The following BTBD1 variants were observed in gnomAD, a reference collection of about 807,000 sequenced individuals.
BTBD1 encodes BTB/POZ domain-containing protein 1.
BTBD1 carries 34 observed loss-of-function variants against 48.0 expected under a neutral mutation model. That is an observed-to-expected ratio of 0.71 (90% CI 0.54 to 0.94). The LOEUF is 0.94. Ranked by LOEUF, BTBD1 falls within the 40% of genes least tolerant of loss-of-function variation. BTBD1 has a pLI of 0.00. For missense variants in BTBD1, 543 were observed against 625.6 expected, an observed-to-expected ratio of 0.87 and a Z score of 1.41; for synonymous variants, 261 against 242.1, an observed-to-expected ratio of 1.08 and a Z score of -0.72.
chr15:83,032,536 A>C (rs2032537445), intron 4 of BTBD1, among the ~76,000 whole-genome samples: 2 of 152,232 alleles, frequency 1.3e-5, no homozygotes, highest in Admixed American at 6.5e-5. Context: ...ACCATGGAAT[A>C]CTACTCAGCC....
At chr15:83,052,058 G>C (rs1220280465) in intron 2 of BTBD1, among the ~76,000 whole-genome samples, 2 of 151,994 alleles carry the variant, frequency 1.3e-5, no homozygotes, top group Non-Finnish European at 2.9e-5. Context: ...CCAGGTTCAA[G>C]GGATTCACCT....
chr15:83,062,395 A>G (rs1049754192), intron 1 of BTBD1, among the ~76,000 whole-genome samples: 10 of 152,230 alleles, frequency 6.6e-5, no homozygotes, highest in East Asian at 1.9e-4. Context: ...CGAAACTACA[A>G]TTTGGAGCTA....
chr15:83,061,759 T>G (rs1185346545), intron 1 of BTBD1: 1 of 152,238 alleles, frequency 6.6e-6, no homozygotes, highest in Non-Finnish European at 1.5e-5. Flanking sequence ...ACCTGCTATC[T>G]GACTACAGCT....
chr15:83,033,876 T>C (rs955665019), intron 4 of BTBD1, among the ~76,000 whole-genome samples: 1 of 151,956 alleles, frequency 6.6e-6, no homozygotes, highest in African/African-American at 2.4e-5. Flanking sequence ...CTGTGCCCCA[T>C]CTAAAAAATT....
At chr15:83,040,717 A>C (rs1340805198) in intron 4 of BTBD1, among the ~76,000 whole-genome samples, 1 of 151,812 alleles carries the variant, frequency 6.6e-6, no homozygotes, top group Non-Finnish European at 1.5e-5. Flanking sequence ...AAAAAAAAAA[A>C]AAAACCATGA....
intron 4 of BTBD1, among the ~76,000 whole-genome samples, chr15:83,038,030 G>A (rs142374101): frequency 6.6e-6 from 1 of 152,316 alleles, no homozygotes; most frequent in African/African-American, 2.4e-5. Context: ...GTTGCAGTGA[G>A]CTGAGCTCGT....
intron 6 of BTBD1, among the ~76,000 whole-genome samples, chr15:83,019,486 C>T (rs1156537573): frequency 6.6e-6 from 1 of 151,970 alleles, no homozygotes; most frequent in Non-Finnish European, 1.5e-5. Flanking sequence ...CCACTGCGCC[C>T]AGACTGTTTC....
chr15:83,032,742 G>A (rs1400075357), intron 4 of BTBD1, among the ~76,000 whole-genome samples: 2 of 152,084 alleles, frequency 1.3e-5, no homozygotes, highest in Admixed American at 1.3e-4. Context: ...AATGGTAGGA[G>A]GGAGGTGAGC....
At chr15:83,026,199 T>G (rs192861565) in intron 5 of BTBD1, among the ~76,000 whole-genome samples, 1 of 152,214 alleles carries the variant, frequency 6.6e-6, no homozygotes, top group Non-Finnish European at 1.5e-5. Flanking sequence ...TTTTTAAATA[T>G]ACTTTTTATA....
At chr15:83,063,108 T>C (rs9672992) in intron 1 of BTBD1, among the ~76,000 whole-genome samples, 2,920 of 152,318 alleles carry the variant, frequency 0.019, 35 homozygotes, top group Non-Finnish European at 0.031. Context: ...ATGTTTTGAC[T>C]TGACTTTCAG....
At chr15:83,060,611 T>A (rs2033161290) in intron 1 of BTBD1, among the ~76,000 whole-genome samples, 1 of 151,984 alleles carries the variant, frequency 6.6e-6, no homozygotes, top group African/African-American at 2.4e-5. Flanking sequence ...CTGGCCAATA[T>A]GGTAAAACCC....
At chr15:83,059,413 CG>C (rs1229170912) in intron 1 of BTBD1, among the ~76,000 whole-genome samples, 3 of 152,086 alleles carry the variant, frequency 2.0e-5, no homozygotes, top group African/African-American at 7.2e-5. Flanking sequence ...GGCATGGTGG[CG>C]GGCGCCTGTA....
At chr15:83,039,406 G>A (rs1368873011) in intron 4 of BTBD1, among the ~76,000 whole-genome samples, 2 of 152,072 alleles carry the variant, frequency 1.3e-5, no homozygotes, top group South Asian at 2.1e-4. Context: ...AAGGGAATTC[G>A]TGTTCACTGA....
intron 4 of BTBD1, 40 bp downstream of exon 4, chr15:83,041,688 A>T: frequency 1.3e-6 from 2 of 1,591,456 alleles, no homozygotes; most frequent in Non-Finnish European, 1.7e-6. Flanking sequence ...CAGACTATTA[A>T]AACAGTTTCA....
chr15:83,046,781 T>C (rs751789715), intron 3 of BTBD1, among the ~76,000 whole-genome samples: 1 of 152,206 alleles, frequency 6.6e-6, no homozygotes, highest in Non-Finnish European at 1.5e-5. Flanking sequence ...AGGAATCTGA[T>C]TTACTCCCCG....
chr15:83,043,083 G>A (rs2032799626), intron 3 of BTBD1, among the ~76,000 whole-genome samples: 1 of 152,214 alleles, frequency 6.6e-6, no homozygotes, highest in Non-Finnish European at 1.5e-5. Context: ...GTTGCAGGCT[G>A]CAGTGAGCCA....
intron 3 of BTBD1, among the ~76,000 whole-genome samples, chr15:83,046,859 C>T (rs1407491530): frequency 6.6e-6 from 1 of 152,074 alleles, no homozygotes; most frequent in Non-Finnish European, 1.5e-5. Context: ...CAACTAACAA[C>T]AGGATGTTAG....
At chr15:83,032,902 G>A (rs1477241574) in intron 4 of BTBD1, among the ~76,000 whole-genome samples, 1 of 148,462 alleles carries the variant, frequency 6.7e-6, no homozygotes, top group African/African-American at 2.5e-5. Flanking sequence ...AACCTGGAAG[G>A]TGGAGGTTGC....
chr15:83,049,693 G>C (rs1332485372), intron 3 of BTBD1, among the ~76,000 whole-genome samples: 1 of 151,874 alleles, frequency 6.6e-6, no homozygotes, highest in Admixed American at 6.6e-5. Flanking sequence ...CATCACCCAG[G>C]TATTAATGCC....
Sources: allele counts gnomAD v4.1 joint callset (sites outside exome capture counted in the v4.1 genomes callset), GRCh38; gene constraint gnomAD v4.1.1; transcripts MANE v1.5; gene names NCBI Gene and HGNC (gene_info 2026-07-23, HGNC 2026-07-21).